ZBTB7C: variants seen among roughly 807,000 people sequenced by gnomAD.
The protein encoded by ZBTB7C is zinc finger and BTB domain-containing protein 7C.
A neutral mutation model predicts 25.7 loss-of-function variants in ZBTB7C; 8 were observed. That is an observed-to-expected ratio of 0.31 (90% CI 0.18 to 0.56). ZBTB7C has a LOEUF of 0.56. ZBTB7C is among the 20% of genes least tolerant of loss of function. ZBTB7C has a pLI of 0.91. For missense variants in ZBTB7C, 824 were observed against 855.2 expected (o/e 0.96, Z 0.46); for synonymous variants, 394 against 369.0 (o/e 1.07, Z -0.78).
At chr18:48,195,506 T>C (rs1197753708) in intron 2 of ZBTB7C, among the ~76,000 whole-genome samples, 2 of 152,242 alleles carry the variant, frequency 1.3e-5, no homozygotes, top group African/African-American at 4.8e-5. Context: ...TTTGCCATGA[T>C]GGTGAGGCCT....
chr18:48,351,323 C>T (rs913795499), intron 1 of ZBTB7C, among the ~76,000 whole-genome samples: 15 of 151,994 alleles, frequency 9.9e-5, no homozygotes, highest in Non-Finnish European at 1.5e-4. Context: ...TTGTTGGTGA[C>T]GGGGCAGGAG....
chr18:48,118,466 C>T (rs1034085215), intron 3 of ZBTB7C, among the ~76,000 whole-genome samples: 6 of 152,014 alleles, frequency 3.9e-5, no homozygotes, highest in African/African-American at 1.5e-4. Flanking sequence ...ACTTTTTGGC[C>T]ATATGTGTTA....
chr18:48,365,675 C>T (rs1290427906), intron 1 of ZBTB7C, among the ~76,000 whole-genome samples: 1 of 152,058 alleles, frequency 6.6e-6, no homozygotes, highest in Non-Finnish European at 1.5e-5. Flanking sequence ...CCCAACTATG[C>T]CATGCAGAGA....
In ZBTB7C at chr18:48,161,858, C is replaced by G. The variant is rs575266332; in HGVS notation, c.-17+24076G>C. On this transcript the variant is annotated intron_variant, in intron 3 of 4. Transcript: ENST00000590800. Reference sequence around the variant, plus strand: ...CATCGCCCTCCTCCCGGGCGCCCCTCCCCGCGGCCGCAGCCTGTTTCCCGG... The same window carrying G: ...CATCGCCCTCCTCCCGGGCGCCCCTGCCCGCGGCCGCAGCCTGTTTCCCGG... Among the ~76,000 whole-genome samples the G allele has an allele frequency of 2.0e-5, 3 of 152,096 alleles. No individual in the cohort carries two copies. The South Asian group carries it at 6.2e-4, about 32-fold the overall frequency.
chr18:48,386,392 C>T lies in ZBTB7C; in HGVS notation c.-304+22834G>A, dbSNP rs28678963. Reference sequence around the variant, plus strand: ...GTCCAGGTGAACTCGGATGCTAAGCCTATTGCTTCCATCCACTCAGCAAGT... The same window carrying T: ...GTCCAGGTGAACTCGGATGCTAAGCTTATTGCTTCCATCCACTCAGCAAGT... On this transcript the variant is annotated intron_variant, in intron 1 of 4. Coordinates refer to ENST00000590800, the MANE Select transcript of ZBTB7C (RefSeq NM_001318841.2). Among the ~76,000 whole-genome samples, 621 of 152,228 alleles carry T rather than the reference C, an allele frequency of 4.1e-3. 2 individuals carry two copies. The highest frequency in any genetic ancestry group is 0.013 in the African/African-American group (549 of 41,568).
chr18:48,290,548 C>T (rs1427090413), intron 2 of ZBTB7C, among the ~76,000 whole-genome samples: 1 of 152,238 alleles, frequency 6.6e-6, no homozygotes, highest in Non-Finnish European at 1.5e-5. Context: ...AGCAGAACTG[C>T]TCCCCTGTGG....
intron 3 of ZBTB7C, among the ~76,000 whole-genome samples, chr18:48,046,440 C>T (rs1427061054): frequency 6.6e-6 from 1 of 152,194 alleles, no homozygotes; most frequent in Non-Finnish European, 1.5e-5. Flanking sequence ...GTAAATGAAA[C>T]GACCCTTCCA....
intron 3 of ZBTB7C, among the ~76,000 whole-genome samples, chr18:48,160,698 T>C (rs1364062708): frequency 1.3e-5 from 2 of 152,124 alleles, no homozygotes; most frequent in East Asian, 3.9e-4. Context: ...CCCCTTGCCA[T>C]AGTAAGGGCA....
rs57025344 is a variant in ZBTB7C, at chr18:48,098,815, A to C, written c.-16-57692T>G. ...TAAGGTTTGACCTTACACAACCAGCAAGAGATGTTCTCTTTTTCCTGCGGC... is the reference window on the plus strand; with the variant it reads ...TAAGGTTTGACCTTACACAACCAGCCAGAGATGTTCTCTTTTTCCTGCGGC... On this transcript the variant is annotated intron_variant, in intron 3 of 4. Transcript: ENST00000590800. 5.4e-3 allele frequency among the ~76,000 whole-genome samples: 818 copies of C among 152,310 alleles called. 6 individuals are homozygous for C. Among genetic ancestry groups the C allele is most frequent in the African/African-American group, 0.019 (786 of 41,556 alleles).
intron 3 of ZBTB7C, among the ~76,000 whole-genome samples, chr18:48,042,031 G>A (rs2036268841): frequency 6.6e-6 from 1 of 152,190 alleles, no homozygotes; most frequent in African/African-American, 2.4e-5. Flanking sequence ...GGGCACGACA[G>A]GGGACAACTG....
intron 3 of ZBTB7C, among the ~76,000 whole-genome samples, chr18:48,082,258 G>C (rs1035084561): frequency 6.6e-6 from 1 of 152,198 alleles, no homozygotes; most frequent in South Asian, 2.1e-4. Flanking sequence ...GCAACAGAAT[G>C]TAAGAACATC....
At chr18:48,034,801 G>C (rs547353079) in intron 4 of ZBTB7C, among the ~76,000 whole-genome samples, 1 of 152,076 alleles carries the variant, frequency 6.6e-6, no homozygotes, top group Non-Finnish European at 1.5e-5. Context: ...CCCAAGCCTC[G>C]GTCTACATGC....
chr18:48,412,152 C>T (rs2048386826), upstream of ZBTB7C, among the ~76,000 whole-genome samples: 2 of 152,164 alleles, frequency 1.3e-5, no homozygotes, highest in Non-Finnish European at 2.9e-5. Context: ...AGTGTTGCCC[C>T]ATGAACAACA....
At position 48,269,697 on chromosome 18, in the gene ZBTB7C, C is replaced by T. The variant is rs568771097; in HGVS notation, c.-79+68477G>A. 3.9e-5 allele frequency among the ~76,000 whole-genome samples: 6 copies of T among 152,304 alleles called. No individual in the cohort carries two copies. The East Asian group carries it at 5.8e-4, about 15-fold the overall frequency. On this transcript the variant is annotated intron_variant, in intron 2 of 4. Transcript: ENST00000590800. ...AAGAATACCTGAGATTATAGGGACA[C>T]CTGGGACCACATTTAAAGATTTTCA...
At chr18:48,066,646 C>G (rs2037340580) in intron 3 of ZBTB7C, among the ~76,000 whole-genome samples, 1 of 152,172 alleles carries the variant, frequency 6.6e-6, no homozygotes, top group Admixed American at 6.5e-5. Context: ...TAGCTTCCCC[C>G]TCCCCTGTTC....
chr18:48,376,386 C>T (rs1176697429), intron 1 of ZBTB7C, among the ~76,000 whole-genome samples: 1 of 151,912 alleles, frequency 6.6e-6, no homozygotes, highest in Non-Finnish European at 1.5e-5. Flanking sequence ...CTCTAAGAAG[C>T]AGATCGTTTG....
chr18:48,235,932 C>A (rs2043367741), intron 2 of ZBTB7C, among the ~76,000 whole-genome samples: 1 of 152,124 alleles, frequency 6.6e-6, no homozygotes, highest in African/African-American at 2.4e-5. Flanking sequence ...TTTATGAGAT[C>A]AACTTTACTC....
At chr18:48,140,459 T>C (rs1167370908) in intron 3 of ZBTB7C, among the ~76,000 whole-genome samples, 1 of 152,188 alleles carries the variant, frequency 6.6e-6, no homozygotes, top group Non-Finnish European at 1.5e-5. Context: ...CCGCCTGACA[T>C]ATGATAAAAT....
At chr18:48,130,383 G>A (rs1032808314) in intron 3 of ZBTB7C, among the ~76,000 whole-genome samples, 1 of 152,144 alleles carries the variant, frequency 6.6e-6, no homozygotes, top group African/African-American at 2.4e-5. Flanking sequence ...GACCCTGAGT[G>A]GGGAGGGAGA....
Sources: allele counts gnomAD v4.1 joint callset (sites outside exome capture counted in the v4.1 genomes callset), GRCh38; gene constraint gnomAD v4.1.1; transcripts MANE v1.5; gene names NCBI Gene and HGNC (gene_info 2026-07-23, HGNC 2026-07-21).